RANBP2: variants seen among roughly 807,000 people sequenced by gnomAD.
RANBP2 encodes RAN binding protein 2.
A neutral mutation model predicts 303.6 loss-of-function variants in RANBP2; 57 were observed. The observed-to-expected ratio is 0.19, with a 90% CI of 0.15 to 0.23. RANBP2 has a LOEUF of 0.23. RANBP2 is among the 10% of genes least tolerant of loss of function. The probability of loss-of-function intolerance (pLI) is 1.00; values close to 1 mark genes in which losing one functional copy is unlikely to be tolerated. For missense variants in RANBP2, 3,138 were observed against 3,780.8 expected (o/e 0.83, Z 4.46); for synonymous variants, 1,167 against 1,301.5 (o/e 0.90, Z 2.23).
the RANBP2 span, among the ~76,000 whole-genome samples, chr2:109,238,781 A>G: frequency 6.6e-6 from 1 of 152,092 alleles, no homozygotes; most frequent in Admixed American, 6.5e-5. Context: ...CTTGCAATAC[A>G]GAGGCAAGGC....
chr2:108,746,848 G>A (rs1327207161), intron 8 of RANBP2, 50 bp downstream of exon 8: 3 of 611,166 alleles, frequency 4.9e-6, no homozygotes, highest in Non-Finnish European at 8.9e-6. Flanking sequence ...AGGAATTTCT[G>A]TTAAGGCATA....
chr2:108,851,569 C>T, the RANBP2 span, among the ~76,000 whole-genome samples: 40 of 152,260 alleles, frequency 2.6e-4, no homozygotes, highest in African/African-American at 8.2e-4. Flanking sequence ...CCCAAAAGTG[C>T]TGATATTACA....
At chr2:109,712,799 A>G in the RANBP2 span, among the ~76,000 whole-genome samples, 1 of 152,212 alleles carries the variant, frequency 6.6e-6, no homozygotes, top group African/African-American at 2.4e-5. Context: ...TCATGATTAC[A>G]TACTCATTAT....
chr2:108,833,852 C>G, the RANBP2 span, among the ~76,000 whole-genome samples: 26 of 149,030 alleles, frequency 1.7e-4, no homozygotes, highest in East Asian at 4.9e-3. Flanking sequence ...CTCAGCCTCC[C>G]GAGTAGCTGG....
chr2:109,544,757 A>C, the RANBP2 span: 4 of 828,680 alleles, frequency 4.8e-6, no homozygotes, highest in Non-Finnish European at 5.8e-6. Context: ...TGCTTGAATA[A>C]AATACAGCTT....
chr2:109,210,789 G>A, the RANBP2 span, among the ~76,000 whole-genome samples: 5 of 152,304 alleles, frequency 3.3e-5, no homozygotes, highest in African/African-American at 4.8e-5. Context: ...TGGCAAGCAC[G>A]ACCTATTTCT....
chr2:109,519,067 C>T, the RANBP2 span, among the ~76,000 whole-genome samples: 20 of 151,848 alleles, frequency 1.3e-4, no homozygotes, highest in East Asian at 2.9e-3. Context: ...TACAGGTGCC[C>T]GCCACCATGC....
At chr2:108,815,130 A>C in the RANBP2 span, among the ~76,000 whole-genome samples, 1 of 152,140 alleles carries the variant, frequency 6.6e-6, no homozygotes, top group Admixed American at 6.5e-5. Context: ...ATTTCTAGGA[A>C]AAAAATGTTC....
At chr2:109,773,118 T>C in the RANBP2 span, among the ~76,000 whole-genome samples, 2 of 152,228 alleles carry the variant, frequency 1.3e-5, no homozygotes, top group East Asian at 1.9e-4. Context: ...GTGGGCGTTA[T>C]CAGCATACAG....
the RANBP2 span, among the ~76,000 whole-genome samples, chr2:109,638,068 C>T: frequency 2.0e-5 from 3 of 152,170 alleles, no homozygotes; most frequent in Admixed American, 6.5e-5. Flanking sequence ...GAAATGCATG[C>T]TAACTATCTG....
chr2:109,669,314 AAAAC>A, the RANBP2 span, among the ~76,000 whole-genome samples: 1 of 152,228 alleles, frequency 6.6e-6, no homozygotes, highest in Non-Finnish European at 1.5e-5. Flanking sequence ...GACCAAAGCA[AAAAC>A]AAACAAATGA....
chr2:108,786,770 C>T (rs150687307), downstream of RANBP2: 2,703 of 1,498,720 alleles, frequency 1.8e-3, 7 homozygotes, highest in Middle Eastern at 2.1e-3. Flanking sequence ...CGCGTAGCGC[C>T]GCGGGTTTGA....
chr2:108,911,832 C>G, the RANBP2 span, among the ~76,000 whole-genome samples: 2 of 152,310 alleles, frequency 1.3e-5, no homozygotes, highest in South Asian at 2.1e-4. Context: ...AGCTGAGAAC[C>G]CCGCATGTGG....
chr2:109,370,023 G>C, the RANBP2 span, among the ~76,000 whole-genome samples: 153 of 152,324 alleles, frequency 1.0e-3, no homozygotes, highest in African/African-American at 3.2e-3. Flanking sequence ...ACATGGGCCA[G>C]CTGGTCTAGC....
At chr2:108,779,276 C>T (rs1359001471) in intron 25 of RANBP2, among the ~76,000 whole-genome samples, 1 of 152,160 alleles carries the variant, frequency 6.6e-6, no homozygotes, top group Non-Finnish European at 1.5e-5. Flanking sequence ...GATCTCCTGC[C>T]TCAGCCTCCT....
At chr2:108,973,556 T>C in the RANBP2 span, among the ~76,000 whole-genome samples, 1 of 152,188 alleles carries the variant, frequency 6.6e-6, no homozygotes, top group South Asian at 2.1e-4. Context: ...ATTTCCAGCC[T>C]GTGAGTGTGG....
At chr2:108,982,903 AG>A in the RANBP2 span, among the ~76,000 whole-genome samples, 2 of 152,252 alleles carry the variant, frequency 1.3e-5, no homozygotes, top group Non-Finnish European at 2.9e-5. Flanking sequence ...CAGACAGGCC[AG>A]GTGCCTGCTG....
chr2:109,408,534 C>T, the RANBP2 span, among the ~76,000 whole-genome samples: 3 of 152,220 alleles, frequency 2.0e-5, no homozygotes, highest in Non-Finnish European at 2.9e-5. Context: ...ACGCCCAGGC[C>T]GGGTTCGCTC....
At chr2:108,826,201 C>A in the RANBP2 span, among the ~76,000 whole-genome samples, 55 of 152,088 alleles carry the variant, frequency 3.6e-4, no homozygotes, top group South Asian at 2.1e-3. Flanking sequence ...TTTCTCCATT[C>A]AGTAGTTGTC....
Sources: allele counts gnomAD v4.1 joint callset (sites outside exome capture counted in the v4.1 genomes callset), GRCh38; gene constraint gnomAD v4.1.1; transcripts MANE v1.5; gene names NCBI Gene and HGNC (gene_info 2026-07-23, HGNC 2026-07-21).